Variants in ADAMTS12 observed in about 807,000 individuals in gnomAD.
The protein encoded by ADAMTS12 is ADAM metallopeptidase with thrombospondin type 1 motif 12, also known as A disintegrin and metalloproteinase with thrombospondin motifs 12.
Under a neutral mutation model 167.8 loss-of-function variants are expected in ADAMTS12, and 118 were observed. The ratio of observed to expected loss-of-function variants is 0.70; its 90% confidence interval spans 0.61 to 0.82. The LOEUF is 0.82. Ranked by LOEUF, ADAMTS12 falls within the 40% of genes least tolerant of loss-of-function variation. The pLI is 0.00. For missense variants in ADAMTS12, 1,916 were observed against 1,998.8 expected (o/e 0.96, Z 0.79); for synonymous variants, 704 against 716.9 (o/e 0.98, Z 0.29).
intron 20 of ADAMTS12, among the ~76,000 whole-genome samples, chr5:33,550,979 C>G (rs1427478634): frequency 6.6e-6 from 1 of 152,152 alleles, no homozygotes; most frequent in Non-Finnish European, 1.5e-5. Flanking sequence ...TCTTTACCCT[C>G]TGAATCCTTC....
intron 16 of ADAMTS12, among the ~76,000 whole-genome samples, chr5:33,606,101 C>A (rs1414310589): frequency 2.0e-5 from 3 of 152,174 alleles, no homozygotes; most frequent in African/African-American, 7.2e-5. Context: ...GCACACATCA[C>A]CACGCCTGGC....
In ADAMTS12 at chr5:33,659,179, A is replaced by T. The variant is rs531474029; in HGVS notation, c.1041-846T>A. Among the ~76,000 whole-genome samples, 5 of 152,292 alleles carry T rather than the reference A, an allele frequency of 3.3e-5. No individual in the cohort carries two copies. The South Asian group carries it at 1.0e-3, about 32-fold the overall frequency. ...CTTTTTTCATCCATTGGGACATGGA[A>T]AAGATCCAGACTTTGAGAACCCATG... On this transcript the variant is annotated intron_variant, in intron 6 of 23. Transcript: ENST00000504830.
intron 2 of ADAMTS12, among the ~76,000 whole-genome samples, chr5:33,845,432 G>A (rs968772651): frequency 1.3e-5 from 2 of 152,156 alleles, no homozygotes; most frequent in African/African-American, 4.8e-5. Context: ...TGACCAAACT[G>A]AGATAATTGA....
intron 16 of ADAMTS12, among the ~76,000 whole-genome samples, chr5:33,610,504 T>TA (rs367896491): frequency 1.1e-4 from 16 of 152,206 alleles, no homozygotes; most frequent in African/African-American, 3.1e-4. Flanking sequence ...TGTTTCCCTT[T>TA]AACATTTCAT....
intron 2 of ADAMTS12, among the ~76,000 whole-genome samples, chr5:33,795,892 G>A (rs1212900693): frequency 1.3e-5 from 2 of 152,194 alleles, no homozygotes; most frequent in African/African-American, 4.8e-5. Flanking sequence ...ATTCCATTTG[G>A]AGAGCCCCAC....
chr5:33,686,799 T>C (rs116224810), intron 3 of ADAMTS12, among the ~76,000 whole-genome samples: 2 of 149,888 alleles, frequency 1.3e-5, no homozygotes. Context: ...CCTATATATA[T>C]AGAGAGAGAG....
chr5:33,773,306 A>G (rs1013441514), intron 2 of ADAMTS12, among the ~76,000 whole-genome samples: 8 of 152,228 alleles, frequency 5.3e-5, no homozygotes, highest in Admixed American at 4.6e-4. Context: ...AATAGATAGT[A>G]GGCAGAGAAG....
intron 5 of ADAMTS12, among the ~76,000 whole-genome samples, chr5:33,666,531 T>C (rs770606262): frequency 7.9e-5 from 12 of 151,930 alleles, no homozygotes; most frequent in Non-Finnish European, 1.3e-4. Context: ...TCTCACTCTG[T>C]TGCCAGGCTG....
intron 2 of ADAMTS12, among the ~76,000 whole-genome samples, chr5:33,865,548 G>A (rs954712320): frequency 5.9e-5 from 9 of 152,084 alleles, no homozygotes; most frequent in Admixed American, 5.9e-4. Flanking sequence ...TTGCCTCTGA[G>A]AAATGGAACA....
intron 5 of ADAMTS12, among the ~76,000 whole-genome samples, chr5:33,675,957 G>A (rs528040330): frequency 1.4e-4 from 22 of 152,194 alleles, no homozygotes; most frequent in African/African-American, 3.9e-4. Context: ...AACATTTTCC[G>A]TAAAGCATCC....
chr5:33,678,539 C>T (rs1742000936), intron 5 of ADAMTS12, among the ~76,000 whole-genome samples: 2 of 152,124 alleles, frequency 1.3e-5, no homozygotes, highest in Non-Finnish European at 2.9e-5. Context: ...AAGGAAGTGA[C>T]ACTGGAGCTG....
intron 3 of ADAMTS12, among the ~76,000 whole-genome samples, chr5:33,687,489 G>A (rs6899224): frequency 0.22 from 34,193 of 152,096 alleles, 4,024 homozygotes; most frequent in East Asian, 0.42. Context: ...TCTGGGCAAG[G>A]CCCAAGTTAC....
Position 33,576,952 on chromosome 5 carries a change from G to C in ADAMTS12, c.3074C>G (p.Pro1025Arg). 1 of 1,614,226 alleles carries C rather than the reference G, an allele frequency of 6.2e-7. No homozygotes were observed. Among genetic ancestry groups the C allele is most frequent in the Non-Finnish European group, 8.5e-7 (1 of 1,180,038 alleles). ...NPPTLKPVPP[P>R]TSRPRMLTTP... Reference sequence around the variant, plus strand: ...GGTCAGCATTCTGGGCCTGGATGTAGGTGGAGGGACGGGCTTTAGTGTTGG... The same window carrying C: ...GGTCAGCATTCTGGGCCTGGATGTACGTGGAGGGACGGGCTTTAGTGTTGG... Residue 1025 changes from proline to arginine, a missense_variant, in exon 19 of 24, where the codon CCT (proline) becomes CGT (arginine). Pro to Arg is a moderately radical substitution (Grantham distance 103). Transcript: ENST00000504830.
chr5:33,678,200 C>A (rs979729548), intron 5 of ADAMTS12, among the ~76,000 whole-genome samples: 1 of 152,188 alleles, frequency 6.6e-6, no homozygotes, highest in South Asian at 2.1e-4. Context: ...GAGTATCCCA[C>A]AGGATTAGAT....
At chr5:33,864,630 C>A (rs554126037) in intron 2 of ADAMTS12, among the ~76,000 whole-genome samples, 1 of 152,190 alleles carries the variant, frequency 6.6e-6, no homozygotes, top group African/African-American at 2.4e-5. Flanking sequence ...AAATGTGGCA[C>A]ATATGCACCA....
Position 33,701,799 on chromosome 5 carries a change from G to A in ADAMTS12, c.635-17744C>T, listed in dbSNP as rs913966349. Among the ~76,000 whole-genome samples the A allele has an allele frequency of 8.5e-5, 13 of 152,260 alleles. No homozygotes were observed. The East Asian group carries it at 2.1e-3, about 25-fold the overall frequency. On this transcript the variant is annotated intron_variant, in intron 3 of 23. Transcript: ENST00000504830. ...TTGCAAACTAGAGGCTTAACTTGTG[G>A]GATTCAGCTTGAAGATACAAAGCCC...
Position 33,534,813 on chromosome 5 carries a change from G to C in ADAMTS12, c.4606+20C>G. Reference sequence around the variant, plus strand: ...TTTGTGCAAAGATCTCTTTCTCCCCGAGCAAACCCATTCACCCACCGGCAC... The same window carrying C: ...TTTGTGCAAAGATCTCTTTCTCCCCCAGCAAACCCATTCACCCACCGGCAC... On this transcript the variant is annotated intron_variant, in intron 23 of 23. Coordinates refer to ENST00000504830, the MANE Select transcript of ADAMTS12 (RefSeq NM_030955.4). 6.2e-7 allele frequency: 1 copy of C among 1,603,910 alleles called. No homozygotes were observed. Among genetic ancestry groups the C allele is most frequent in the Middle Eastern group, 1.7e-4 (1 of 5,994 alleles).
chr5:33,651,592 G>A (rs886412244), intron 7 of ADAMTS12, among the ~76,000 whole-genome samples: 5 of 152,116 alleles, frequency 3.3e-5, no homozygotes, highest in Non-Finnish European at 5.9e-5. Context: ...CAGCTAATTA[G>A]AATTATACAA....
intron 3 of ADAMTS12, among the ~76,000 whole-genome samples, chr5:33,700,387 C>T (rs1257868753): frequency 6.6e-6 from 1 of 152,162 alleles, no homozygotes; most frequent in East Asian, 1.9e-4. Flanking sequence ...ACTTGGATGA[C>T]TCACCAGGAA....
Sources: gnomAD v4.1 joint callset for allele counts (sites outside exome capture counted in the v4.1 genomes callset) on GRCh38, gnomAD v4.1.1 for gene constraint, MANE v1.5 for transcripts, NCBI Gene and HGNC (gene_info 2026-07-23, HGNC 2026-07-21) for gene names.